Variants in RYR1 observed in about 807,000 individuals in gnomAD.
The protein encoded by RYR1 is ryanodine receptor 1, also known as central core disease of muscle.
A neutral mutation model predicts 583.5 loss-of-function variants in RYR1; 342 were observed. That is an observed-to-expected ratio of 0.59 (90% CI 0.54 to 0.64). The LOEUF is 0.64. Among genes scored for constraint, RYR1 ranks in the 30% least tolerant of loss-of-function variants. The pLI, the probability that RYR1 is intolerant of heterozygous loss-of-function variation, is 0.00. For synonymous variants in RYR1, 2,791 were observed against 2,822.5 expected, an observed-to-expected ratio of 0.99 and a Z score of 0.35; for missense variants, 6,032 against 6,917.2, an observed-to-expected ratio of 0.87 and a Z score of 4.54.
chr19:38,569,674 C>T (rs998352037), intron 93 of RYR1, among the ~76,000 whole-genome samples: 12 of 152,140 alleles, frequency 7.9e-5, no homozygotes, highest in East Asian at 1.9e-4. Context: ...GCTGACTGCC[C>T]GGGTTCAAAT....
At chr19:38,529,398 T>G (rs556933131) in intron 76 of RYR1, among the ~76,000 whole-genome samples, 18 of 152,158 alleles carry the variant, frequency 1.2e-4, no homozygotes, top group Non-Finnish European at 2.5e-4. Flanking sequence ...AAGAATCGCT[T>G]GAACCTGGGA....
rs761085117 is a variant in RYR1 at position 38,512,575 on chromosome 19, A to ATG, written c.9472+97_9472+98dup. ...CCTGTGAGAGTCCCTGGGTGTTTGA[A>ATG]TGTGTGGATTTCTTGCTGTAAGCAA... is the stretch of plus-strand genomic sequence containing the variant. On this transcript the variant is annotated intron_variant, in intron 63 of 105. Transcript: ENST00000359596. The surrounding 1 kb of genome is among the most constrained non-coding windows in gnomAD (Gnocchi z 5.1). 246 of 1,221,294 alleles carry ATG rather than the reference A, an allele frequency of 2.0e-4. No homozygotes were observed. Among genetic ancestry groups the ATG allele is most frequent in the Non-Finnish European group, 2.6e-4 (222 of 837,776 alleles). The allele number at this position is 1,221,294 out of a possible 1,614,324, so 75.7% of individuals were successfully genotyped here.
intron 96 of RYR1, among the ~76,000 whole-genome samples, chr19:38,575,660 G>A (rs1453790810): frequency 2.6e-5 from 4 of 152,070 alleles, no homozygotes; most frequent in African/African-American, 7.2e-5. Flanking sequence ...AAAATTAGCC[G>A]GGCGTGGTGG....
chr19:38,584,902 A>C (rs1291151562), intron 101 of RYR1, 41 bp from the exon 102 acceptor site: 1 of 1,612,058 alleles, frequency 6.2e-7, no homozygotes, highest in Non-Finnish European at 8.5e-7. Flanking sequence ...TACTCAGTGA[A>C]TGTCGAATGA....
intron 56 of RYR1, 137 bp downstream of exon 56, chr19:38,506,683 T>G: frequency 6.1e-6 from 9 of 1,477,826 alleles, no homozygotes; most frequent in Non-Finnish European, 8.4e-6. Context: ...CATGGGGTAA[T>G]GAGATGAGCA....
chr19:38,447,278 C>T lies in RYR1; in HGVS notation c.800+510C>T, dbSNP rs139711437. On this transcript the variant is annotated intron_variant, in intron 9 of 105. Coordinates refer to ENST00000359596, the MANE Select transcript of RYR1 (RefSeq NM_000540.3). Reference sequence around the variant, plus strand: ...AAAAGAGGCCAAGCGTGGTGGCTCACGCCTGTAATGCCAGCACTTTGGGAG... The same window carrying T: ...AAAAGAGGCCAAGCGTGGTGGCTCATGCCTGTAATGCCAGCACTTTGGGAG... Among the ~76,000 whole-genome samples the T allele has an allele frequency of 3.8e-3, 577 of 151,586 alleles. 4 individuals are homozygous for T. The highest frequency in any genetic ancestry group is 0.013 in the African/African-American group (538 of 41,312).
chr19:38,559,892 A>G (rs1353267619), intron 89 of RYR1, among the ~76,000 whole-genome samples: 2 of 151,960 alleles, frequency 1.3e-5, no homozygotes, highest in East Asian at 1.9e-4. Flanking sequence ...AGAGTGTGCT[A>G]CACAGCAAAG....
chr19:38,527,614 C>G, intron 72 of RYR1, 33 bp from the exon 73 acceptor site: 2 of 1,613,128 alleles, frequency 1.2e-6, no homozygotes, highest in South Asian at 2.2e-5. Context: ...GGAAGGGTCC[C>G]TCACGCCGGC....
At position 38,500,648 on chromosome 19, in the gene RYR1, A is replaced by G; in HGVS notation, c.7366A>G (p.Ile2456Val). 1 of 1,613,868 alleles carries G rather than the reference A, an allele frequency of 6.2e-7. No homozygotes were observed. Among genetic ancestry groups the G allele is most frequent in the Non-Finnish European group, 8.5e-7 (1 of 1,180,014 alleles). ...GKGEALRIRA[I>V]LRSLVPLEDL... ...GGGTGAGGCCCTGCGGATCCGCGCC[A>G]TCCTCCGCTCCCTTGTGCCCTTGGA... The change falls in exon 46 of 106, where the codon ATC becomes GTC. Residue 2456 changes from isoleucine to valine, a missense_variant. Ile to Val is a conservative substitution (Grantham distance 29, BLOSUM62 3). Coordinates refer to ENST00000359596, the MANE Select transcript of RYR1 (RefSeq NM_000540.3). The surrounding 1 kb of genome is among the most constrained non-coding windows in gnomAD (Gnocchi z 5.9).
At chr19:38,510,921 C>T in intron 60 of RYR1, 140 bp downstream of exon 60, 1 of 1,280,056 alleles carries the variant, frequency 7.8e-7, no homozygotes, top group Non-Finnish European at 1.1e-6. Context: ...ACCAGCCATC[C>T]TAGTGTACCC....
Position 38,499,954 on chromosome 19 carries a change from G to C in RYR1, c.7261G>C (p.Ala2421Pro), listed in dbSNP as rs193922808. 2 of 1,612,496 alleles carry C rather than the reference G, an allele frequency of 1.2e-6. No individual in the cohort carries two copies. The highest frequency in any genetic ancestry group is 1.7e-6 in the Non-Finnish European group (2 of 1,179,422). ...AGAAAACCGGGTGCACCTGGGACAC[G>C]CCATCATGTCCTTCTATGCCGCCTT... Reference protein sequence around the residue: ...PEENRVHLGHAIMSFYAALID... With the variant: ...PEENRVHLGHPIMSFYAALID... The change falls in exon 45 of 106, where the codon GCC (alanine) becomes CCC (proline). Residue 2421 changes from alanine to proline, a missense_variant. By Grantham distance (27) the Ala-to-Pro change is conservative. This residue lies in a region of RYR1 where 2,627 missense variants were observed against 2,961.3 expected (regional missense o/e 0.89). Transcript: ENST00000359596. The surrounding 1 kb of genome is among the most constrained non-coding windows in gnomAD (Gnocchi z 7.3).
chr19:38,538,571 G>A (rs1003543400), intron 84 of RYR1: 17 of 153,734 alleles, frequency 1.1e-4, no homozygotes, highest in Admixed American at 9.0e-4. Flanking sequence ...GCTCTGCAGT[G>A]GCTGCCAAAG....
At position 38,483,450 on chromosome 19, in the gene RYR1, T is replaced by C; in HGVS notation, c.4868T>C (p.Leu1623Pro). 1 of 1,572,110 alleles carries C rather than the reference T, an allele frequency of 6.4e-7. No homozygotes were observed. Among genetic ancestry groups the C allele is most frequent in the South Asian group, 1.2e-5 (1 of 85,886 alleles). ...GAGACGAGGCGTGCCGGCGAGCGGC[T>C]GGGCTGGGCCGTGCAGTGCCAGGAG... is the stretch of plus-strand genomic sequence containing the variant. ...QVETRRAGER[L>P]GWAVQCQEPL... The change falls in exon 33 of 106, where the codon CTG becomes CCG. Residue 1623 changes from leucine to proline, a missense_variant. Transcript: ENST00000359596. This position sits in a 1 kb window ranked among gnomAD's most constrained non-coding sequence, Gnocchi z 6.3.
Position 38,444,671 on chromosome 19 carries a change from G to A in RYR1, c.625G>A (p.Glu209Lys), listed in dbSNP as rs771058055. 30 of 1,612,738 alleles carry A rather than the reference G, an allele frequency of 1.9e-5. No individual in the cohort carries two copies. The highest frequency in any genetic ancestry group is 2.3e-5 in the Non-Finnish European group (27 of 1,179,358). The change falls in exon 7 of 106, where the codon GAA (glutamate) becomes AAA (lysine). Residue 209 changes from glutamate (E) to lysine (K), a missense_variant. By Grantham distance (56) the Glu-to-Lys change is moderately conservative (BLOSUM62 1). This residue lies in a region of RYR1 where 338 missense variants were observed against 441.6 expected (regional missense o/e 0.77). Transcript: ENST00000359596. The surrounding 1 kb of genome is among the most constrained non-coding windows in gnomAD (Gnocchi z 5.1). The stretch of plus-strand genomic sequence containing the variant: ...CATGAACCCCATCTGCTCCCGCTGC[G>A]AAGAGGGTGAGGGCCCCAGACCTCC... ...WNMNPICSRC[E>K]EGFVTGGHVL...
chr19:38,577,737 A>T (rs534260076), intron 97 of RYR1, among the ~76,000 whole-genome samples, 181 bp from the exon 98 acceptor site: 54 of 152,036 alleles, frequency 3.6e-4, no homozygotes, highest in Non-Finnish European at 6.3e-4. Context: ...CACAGGTTGC[A>T]GTGAGCAGAG....
At position 38,499,971 on chromosome 19, in the gene RYR1, T is replaced by C. The variant is rs2145602150; in HGVS notation, c.7278T>C (p.Tyr2426=). 6.2e-7 allele frequency: 1 copy of C among 1,614,116 alleles called. No individual in the cohort carries two copies. The highest frequency in any genetic ancestry group is 1.7e-5 in the Admixed American group (1 of 60,026). Reference sequence around the variant, plus strand: ...TGGGACACGCCATCATGTCCTTCTATGCCGCCTTGATCGACCTGCTCGGAC... The same window carrying C: ...TGGGACACGCCATCATGTCCTTCTACGCCGCCTTGATCGACCTGCTCGGAC... ...VHLGHAIMSF[Y]AALIDLLGRC... is the part of the protein sequence containing the mutation. The change falls in exon 45 of 106, where the codon TAT becomes TAC. Residue 2426 remains tyrosine (Y), a synonymous_variant. Coordinates refer to ENST00000359596, the MANE Select transcript of RYR1 (RefSeq NM_000540.3). The surrounding 1 kb of genome is among the most constrained non-coding windows in gnomAD (Gnocchi z 7.3).
intron 76 of RYR1, among the ~76,000 whole-genome samples, chr19:38,530,294 A>G (rs1971673648): frequency 6.6e-6 from 1 of 151,978 alleles, no homozygotes; most frequent in African/African-American, 2.4e-5. Context: ...CTTCTTGCCC[A>G]GGCTGGAATG....
Position 38,446,510 on chromosome 19 carries a change from G to A in RYR1, c.670G>A (p.Gly224Arg), listed in dbSNP as rs1273260301. ...TGGHVLRLFH[G>R]HMDECLTISP... is the part of the protein sequence containing the mutation. ...AGGTCACGTCCTCCGCCTCTTTCAT[G>A]GACATATGGATGAGTGTCTGACCAT... The change falls in exon 8 of 106, where the codon GGA (glycine) becomes AGA (arginine). Residue 224 changes from glycine to arginine, a missense_variant. Physicochemically the swap from Gly to Arg is moderately radical, Grantham distance 125. Transcript: ENST00000359596. The A allele has an allele frequency of 1.9e-6, 3 of 1,614,170 alleles. No homozygotes were observed. The highest frequency in any genetic ancestry group is 2.2e-5 in the South Asian group (2 of 91,084).
intron 89 of RYR1, among the ~76,000 whole-genome samples, chr19:38,552,106 C>A (rs1972689002): frequency 6.6e-6 from 1 of 151,968 alleles, no homozygotes; most frequent in Non-Finnish European, 1.5e-5. Flanking sequence ...TGCCACCACA[C>A]CCGGCTACTT....
Sources: gnomAD v4.1 joint callset for allele counts (sites outside exome capture counted in the v4.1 genomes callset) on GRCh38, gnomAD v4.1.1 for gene constraint, gnomAD v4.1.1 regional missense constraint, Gnocchi (gnomAD v3.1) non-coding constraint, MANE v1.5 for transcripts, NCBI Gene and HGNC (gene_info 2026-07-23, HGNC 2026-07-21) for gene names.